Variants in LMTK2 observed in about 807,000 individuals in gnomAD.
LMTK2 encodes lemur tail kinase 2, also known as serine/threonine-protein kinase LMTK2.
LMTK2 carries 37 observed loss-of-function variants against 127.5 expected under a neutral mutation model. The observed-to-expected ratio is 0.29, with a 90% CI of 0.22 to 0.38. LMTK2 has a LOEUF of 0.38. Ranked by LOEUF, LMTK2 falls within the 10% of genes least tolerant of loss-of-function variation. LMTK2 has a pLI of 1.00. For missense variants in LMTK2, 1,694 were observed against 1,920.3 expected (o/e 0.88, Z 2.20); for synonymous variants, 819 against 810.1 (o/e 1.01, Z -0.19).
intron 11 of LMTK2, among the ~76,000 whole-genome samples, chr7:98,203,085 G>A (rs947009899): frequency 5.9e-5 from 9 of 152,170 alleles, no homozygotes; most frequent in African/African-American, 2.2e-4. Context: ...GCTTGAGACT[G>A]GAGAGCAAGA....
intron 11 of LMTK2, among the ~76,000 whole-genome samples, chr7:98,203,097 A>T (rs1797727301): frequency 6.6e-6 from 1 of 152,200 alleles, no homozygotes; most frequent in African/African-American, 2.4e-5. Flanking sequence ...AGAGCAAGAG[A>T]ACAGAGAAAA....
chr7:98,114,845 A>G (rs934660567), intron 1 of LMTK2, among the ~76,000 whole-genome samples: 2 of 151,798 alleles, frequency 1.3e-5, no homozygotes, highest in East Asian at 1.9e-4. Flanking sequence ...AAGTGCTGCC[A>G]TCTTTTTATT....
chr7:98,191,577 T>C (rs778442223), intron 10 of LMTK2, 37 bp from the exon 11 acceptor site: 1 of 1,455,520 alleles, frequency 6.9e-7, no homozygotes, highest in Non-Finnish European at 9.2e-7. Flanking sequence ...AAAAAATTCG[T>C]GATGGTTCCA....
At chr7:98,170,447 G>A (rs1797165193) in intron 6 of LMTK2, among the ~76,000 whole-genome samples, 1 of 152,092 alleles carries the variant, frequency 6.6e-6, no homozygotes, top group South Asian at 2.1e-4. Context: ...TATTCTGGGA[G>A]GTATTTGATA....
chr7:98,138,503 A>G (rs1304681329), intron 2 of LMTK2, among the ~76,000 whole-genome samples: 2 of 152,210 alleles, frequency 1.3e-5, no homozygotes, highest in African/African-American at 4.8e-5. Context: ...AATGGAGATC[A>G]GTTCCTTTAG....
At position 98,193,925 on chromosome 7, in the gene LMTK2, G is replaced by C; in HGVS notation, c.3460G>C (p.Glu1154Gln). Residue 1154 changes from glutamate to glutamine, a missense_variant, in exon 11 of 14, where the codon GAA becomes CAA. Coordinates refer to ENST00000297293, the MANE Select transcript of LMTK2 (RefSeq NM_014916.4). This position sits in a 1 kb window ranked among gnomAD's most constrained non-coding sequence, Gnocchi z 4.1. ...QSPAAQDSCL[E>Q]ARKSQPDESC... ...TCCTGCTGCCCAGGATAGCTGCCTGGAAGCCAGAAAGAGCCAGCCAGATGA... is the reference window on the plus strand; with the variant it reads ...TCCTGCTGCCCAGGATAGCTGCCTGCAAGCCAGAAAGAGCCAGCCAGATGA... 6.2e-7 allele frequency: 1 copy of C among 1,614,126 alleles called. No homozygotes were observed.
intron 6 of LMTK2, among the ~76,000 whole-genome samples, chr7:98,164,148 C>T (rs1489995215): frequency 6.6e-6 from 1 of 152,206 alleles, no homozygotes. Context: ...TGTAGCTGGC[C>T]TGCAGCCACA....
chr7:98,109,675 C>T (rs1350181681), intron 1 of LMTK2, among the ~76,000 whole-genome samples: 1 of 144,242 alleles, frequency 6.9e-6, no homozygotes, highest in Non-Finnish European at 1.5e-5. Context: ...ACCCAGGGAG[C>T]GGAGCTTACA....
chr7:98,116,080 A>G (rs1284225435), intron 1 of LMTK2, among the ~76,000 whole-genome samples: 2 of 152,014 alleles, frequency 1.3e-5, no homozygotes, highest in Non-Finnish European at 2.9e-5. Flanking sequence ...ATGGTCTACA[A>G]AAGTAAAGTT....
At chr7:98,126,776 A>G (rs1485316204) in intron 1 of LMTK2, 1 of 152,236 alleles carries the variant, frequency 6.6e-6, no homozygotes, top group Non-Finnish European at 1.5e-5. Context: ...TTAGCACTCA[A>G]ATTATATAAC....
chr7:98,140,999 G>GT (rs1230851146), intron 2 of LMTK2, among the ~76,000 whole-genome samples: 4 of 150,962 alleles, frequency 2.6e-5, no homozygotes, highest in African/African-American at 9.7e-5. Flanking sequence ...CCAGGCTGCA[G>GT]TGAGCCATGA....
intron 1 of LMTK2, among the ~76,000 whole-genome samples, chr7:98,130,696 GAGACTT>G (rs1247658072): frequency 6.6e-6 from 1 of 152,196 alleles, no homozygotes; most frequent in African/African-American, 2.4e-5. Context: ...ATGATGGGAA[GAGACTT>G]AGGGAAAAGG....
intron 1 of LMTK2, among the ~76,000 whole-genome samples, chr7:98,124,519 C>T (rs1356916472): frequency 6.6e-6 from 1 of 152,008 alleles, no homozygotes; most frequent in Non-Finnish European, 1.5e-5. Context: ...AGGGTGGTGG[C>T]CCATGCCTGT....
chr7:98,152,480 G>A (rs530309598), intron 4 of LMTK2, among the ~76,000 whole-genome samples: 2 of 152,202 alleles, frequency 1.3e-5, no homozygotes, highest in East Asian at 1.9e-4. Flanking sequence ...AACCTGTTAC[G>A]TAGCAGCCAT....
In LMTK2 at chr7:98,192,936, A is replaced by G. The variant is rs748454485; in HGVS notation, c.2471A>G (p.Glu824Gly). The change falls in exon 11 of 14, where the codon GAA becomes GGA. Residue 824 changes from glutamate to glycine, a missense_variant. Physicochemically the swap from Glu to Gly is moderately conservative, Grantham distance 98. Around this residue, in one of 8 missense-constraint regions of LMTK2, gnomAD observed 527 missense variants for 539.8 expected, o/e 0.98. Coordinates refer to ENST00000297293, the MANE Select transcript of LMTK2 (RefSeq NM_014916.4). ...QVPPTSFETEETPRRVPPDSL... is the reference protein window; with the variant it reads ...QVPPTSFETEGTPRRVPPDSL... ...CCTCCTACCTCCTTCGAAACAGAAG[A>G]AACGCCCCGTCGGGTACCCCCAGAC... 6.2e-7 allele frequency: 1 copy of G among 1,614,132 alleles called. No homozygotes were observed. Among genetic ancestry groups the G allele is most frequent in the Admixed American group, 1.7e-5 (1 of 60,020 alleles).
rs548767076 is a variant in LMTK2 at position 98,192,273 on chromosome 7, A to G, written c.1808A>G (p.Asp603Gly). 57 of 1,532,578 alleles carry G rather than the reference A, an allele frequency of 3.7e-5. 1 individual carries two copies. The South Asian group carries it at 7.3e-4, about 20-fold the overall frequency. The allele number at this position is 1,532,578 out of a possible 1,614,324, so 94.9% of individuals were successfully genotyped here. ...RSVELEESST[D>G]EDFFQSSTDP... ...GTTGAACTTGAGGAGTCCAGTACAG[A>G]TGAGGACTTCTTCCAAAGCAGTACA... Residue 603 changes from aspartate (D) to glycine (G), a missense_variant, in exon 11 of 14, where the codon GAT becomes GGT. Transcript: ENST00000297293.
In LMTK2 at chr7:98,191,905, C is replaced by T. The variant is rs776854780; in HGVS notation, c.1440C>T (p.Ala480=). The T allele has an allele frequency of 1.3e-5, 21 of 1,614,060 alleles. No homozygotes were observed. Among genetic ancestry groups the T allele is most frequent in the Middle Eastern group, 1.6e-4 (1 of 6,084 alleles). Residue 480 remains alanine (A), a synonymous_variant, in exon 11 of 14, where the codon GCC becomes GCT. Transcript: ENST00000297293. ...TGAGCTTCGAGTATGTCTGGGAGGC[C>T]GCTAAGCACGACCACTTTGACGAGC... ...QGLSFEYVWE[A]AKHDHFDERS...
In LMTK2 at chr7:98,205,456, C is replaced by G; in HGVS notation, c.4484-8C>G. 5 of 1,613,792 alleles carry G rather than the reference C, an allele frequency of 3.1e-6. No homozygotes were observed. The highest frequency in any genetic ancestry group is 4.2e-6 in the Non-Finnish European group (5 of 1,180,044). ...GCTTTGTCGTCTCGCTTCCTCTCTC[C>G]TCAACAGGAAGCAGCGAAGACGGAG... is the stretch of plus-strand genomic sequence containing the variant. On this transcript the variant is annotated splice_region_variant and splice_polypyrimidine_tract_variant and intron_variant, in intron 13 of 13. Coordinates refer to ENST00000297293, the MANE Select transcript of LMTK2 (RefSeq NM_014916.4).
Position 98,191,982 on chromosome 7 carries a change from C to T in LMTK2, c.1517C>T (p.Pro506Leu), listed in dbSNP as rs773414969. 6 of 1,613,680 alleles carry T rather than the reference C, an allele frequency of 3.7e-6. No individual in the cohort carries two copies. The highest frequency in any genetic ancestry group is 5.1e-6 in the Non-Finnish European group (6 of 1,179,682). The change falls in exon 11 of 14, where the codon CCG becomes CTG. Residue 506 changes from proline to leucine, a missense_variant. By Grantham distance (98) the Pro-to-Leu change is moderately conservative. Coordinates refer to ENST00000297293, the MANE Select transcript of LMTK2 (RefSeq NM_014916.4). ...TTGTCCTACACGAGCATCTTCTATC[C>T]GGTTGAAGTTTTTGAGAGTTCGCTT... ...EGLSYTSIFY[P>L]VEVFESSLSD...
Sources: allele counts gnomAD v4.1 joint callset (sites outside exome capture counted in the v4.1 genomes callset), GRCh38; gene constraint gnomAD v4.1.1; regional missense constraint gnomAD v4.1.1; non-coding constraint Gnocchi (gnomAD v3.1); transcripts MANE v1.5; gene names NCBI Gene and HGNC (gene_info 2026-07-23, HGNC 2026-07-21).